Variants in CLSTN2 observed in about 807,000 individuals in gnomAD.
The protein encoded by CLSTN2 is calsyntenin 2.
A neutral mutation model predicts 101.2 loss-of-function variants in CLSTN2; 48 were observed. That is an observed-to-expected ratio of 0.47 (90% CI 0.38 to 0.60). CLSTN2 has a LOEUF of 0.60. Ranked by LOEUF, CLSTN2 falls within the 20% of genes least tolerant of loss-of-function variation. The pLI is 0.00. For missense variants in CLSTN2, 1,160 were observed against 1,238.2 expected (o/e 0.94, Z 0.95); for synonymous variants, 481 against 463.6 (o/e 1.04, Z -0.48).
At chr3:140,085,650 T>C (rs1161184297) in intron 1 of CLSTN2, among the ~76,000 whole-genome samples, 2 of 152,132 alleles carry the variant, frequency 1.3e-5, no homozygotes, top group East Asian at 3.9e-4. Flanking sequence ...CATTTTTTTA[T>C]ATATCTTCTC....
intron 3 of CLSTN2, 37 bp downstream of exon 3, chr3:140,403,861 CT>C: frequency 6.6e-7 from 1 of 1,519,316 alleles, no homozygotes. Context: ...ACGCCCCTCC[CT>C]CCCGTGCCCA....
At chr3:140,133,018 A>T (rs866487720) in intron 1 of CLSTN2, among the ~76,000 whole-genome samples, 14 of 151,762 alleles carry the variant, frequency 9.2e-5, no homozygotes, top group South Asian at 6.2e-4. Flanking sequence ...TATTTTTTTT[A>T]AAAAAGAGGT....
At chr3:139,942,437 C>A (rs537127401) in intron 1 of CLSTN2, among the ~76,000 whole-genome samples, 14 of 152,202 alleles carry the variant, frequency 9.2e-5, no homozygotes, top group African/African-American at 3.4e-4. Context: ...TCTCCTGATT[C>A]GGTTATTCAT....
At chr3:140,321,460 TCTC>T (rs1343639895) in intron 2 of CLSTN2, among the ~76,000 whole-genome samples, 1 of 152,066 alleles carries the variant, frequency 6.6e-6, no homozygotes, top group African/African-American at 2.4e-5. Flanking sequence ...ACTGCCTTCT[TCTC>T]CCCTTGCTCC....
intron 2 of CLSTN2, among the ~76,000 whole-genome samples, chr3:140,340,952 G>C (rs1237517520): frequency 6.6e-6 from 1 of 152,154 alleles, no homozygotes; most frequent in Non-Finnish European, 1.5e-5. Context: ...GAGGTTATGG[G>C]TTTTGAGGAG....
rs529070583 is a variant in CLSTN2 at position 140,403,973 on chromosome 3, G to T, written c.428+149G>T. ...CTGCTTGGCAGTTTCCTGGTCCCAT[G>T]CAGGCATCTTCCCAGTCTGCTTTCC... On this transcript the variant is annotated intron_variant, in intron 3 of 16. Coordinates refer to ENST00000458420, the MANE Select transcript of CLSTN2 (RefSeq NM_022131.3). 1.1e-5 allele frequency: 7 copies of T among 633,206 alleles called. No homozygotes were observed. In the East Asian group the frequency reaches 1.7e-4, roughly 15 times the overall value. 39.2% of individuals were successfully genotyped at this position (633,206 alleles called of 1,614,324 possible).
intron 1 of CLSTN2, among the ~76,000 whole-genome samples, chr3:140,088,687 G>A (rs2008719100): frequency 6.6e-6 from 1 of 152,130 alleles, no homozygotes; most frequent in Non-Finnish European, 1.5e-5. Flanking sequence ...GTTCCTCGGA[G>A]ACTGTCAATA....
chr3:140,501,387 C>A (rs1430135337), intron 8 of CLSTN2, among the ~76,000 whole-genome samples: 1 of 151,214 alleles, frequency 6.6e-6, no homozygotes, highest in Non-Finnish European at 1.5e-5. Context: ...CTTTCTCCTG[C>A]CTAGCCTGAA....
At chr3:139,962,945 G>A (rs1935536614) in intron 1 of CLSTN2, among the ~76,000 whole-genome samples, 1 of 152,126 alleles carries the variant, frequency 6.6e-6, no homozygotes, top group African/African-American at 2.4e-5. Context: ...GTACCTGTAT[G>A]TTTAACTAAC....
rs572885810 is a variant in CLSTN2, at chr3:140,327,220, G to A, written c.233-76409G>A. Among the ~76,000 whole-genome samples, 352 of 152,306 alleles carry A rather than the reference G, an allele frequency of 2.3e-3. 2 individuals are homozygous for A. Among genetic ancestry groups the A allele is most frequent in the African/African-American group, 8.0e-3 (331 of 41,578 alleles). On this transcript the variant is annotated intron_variant, in intron 2 of 16. Coordinates refer to ENST00000458420, the MANE Select transcript of CLSTN2 (RefSeq NM_022131.3). ...AACAGAATCATTAGAATTGAAGCTAGGCTTACTGGTACCCAATCAAAATCT... is the reference window on the plus strand; with the variant it reads ...AACAGAATCATTAGAATTGAAGCTAAGCTTACTGGTACCCAATCAAAATCT...
At chr3:140,031,589 A>G (rs560993157) in intron 1 of CLSTN2, among the ~76,000 whole-genome samples, 1 of 152,362 alleles carries the variant, frequency 6.6e-6, no homozygotes, top group African/African-American at 2.4e-5. Flanking sequence ...TTTTGGAGAT[A>G]CATCCTAGTT....
At chr3:140,487,072 G>T (rs945752345) in intron 8 of CLSTN2, among the ~76,000 whole-genome samples, 2 of 152,170 alleles carry the variant, frequency 1.3e-5, no homozygotes, top group African/African-American at 4.8e-5. Context: ...ATACCTGAAA[G>T]AGCAGGTGCC....
intron 1 of CLSTN2, among the ~76,000 whole-genome samples, chr3:140,157,687 T>G (rs1311194307): frequency 6.6e-6 from 1 of 151,564 alleles, no homozygotes; most frequent in Non-Finnish European, 1.5e-5. Flanking sequence ...AAATCAAGTC[T>G]TGGTTTCATT....
Position 140,555,033 on chromosome 3 carries a change from A to C in CLSTN2, c.1675-1480A>C, listed in dbSNP as rs142910217. 3.7e-3 allele frequency among the ~76,000 whole-genome samples: 559 copies of C among 152,356 alleles called. 7 individuals carry two copies. The highest frequency in any genetic ancestry group is 0.013 in the African/African-American group (527 of 41,584). On this transcript the variant is annotated intron_variant, in intron 10 of 16. Transcript: ENST00000458420. ...TATTTAATATCTAAGTGGCTTATAC[A>C]ACCAAATTTTATTTATTGCTCATAC...
chr3:140,087,270 A>G (rs994835725), intron 1 of CLSTN2, among the ~76,000 whole-genome samples: 2 of 152,326 alleles, frequency 1.3e-5, no homozygotes, highest in Admixed American at 6.5e-5. Flanking sequence ...CCTTAATTCA[A>G]AGGACAGTTT....
At chr3:140,362,766 A>C (rs1271442214) in intron 2 of CLSTN2, among the ~76,000 whole-genome samples, 1 of 152,206 alleles carries the variant, frequency 6.6e-6, no homozygotes, top group Non-Finnish European at 1.5e-5. Flanking sequence ...AACCACAGTA[A>C]GCTGCCATTT....
At chr3:140,555,781 G>T (rs1935779631) in intron 10 of CLSTN2, among the ~76,000 whole-genome samples, 1 of 152,176 alleles carries the variant, frequency 6.6e-6, no homozygotes, top group African/African-American at 2.4e-5. Context: ...AACTGCTGTG[G>T]GGACATGGAG....
At chr3:140,167,936 A>G (rs2010159121) in intron 1 of CLSTN2, among the ~76,000 whole-genome samples, 1 of 152,138 alleles carries the variant, frequency 6.6e-6, no homozygotes, top group African/African-American at 2.4e-5. Context: ...ATATTCTGCA[A>G]TTTGTTTATC....
At chr3:140,191,932 A>G (rs959216419) in intron 2 of CLSTN2, among the ~76,000 whole-genome samples, 20 of 151,086 alleles carry the variant, frequency 1.3e-4, no homozygotes, top group African/African-American at 4.9e-4. Flanking sequence ...TTAAGGTGGG[A>G]GCTTTGATTA....
Sources: gnomAD v4.1 joint callset for allele counts (sites outside exome capture counted in the v4.1 genomes callset) on GRCh38, gnomAD v4.1.1 for gene constraint, MANE v1.5 for transcripts, NCBI Gene and HGNC (gene_info 2026-07-23, HGNC 2026-07-21) for gene names.